RNGTT: variants seen among roughly 807,000 people sequenced by gnomAD.
RNGTT encodes mRNA-capping enzyme.
RNGTT carries 33 observed loss-of-function variants against 79.3 expected under a neutral mutation model. That is an observed-to-expected ratio of 0.42 (90% CI 0.32 to 0.56). RNGTT has a LOEUF of 0.56. Ranked by LOEUF, RNGTT falls within the 20% of genes least tolerant of loss-of-function variation. The probability of loss-of-function intolerance (pLI) is 0.17; values close to 1 mark genes in which losing one functional copy is unlikely to be tolerated. For missense variants in RNGTT, 497 were observed against 739.1 expected (o/e 0.67, Z 3.80); for synonymous variants, 222 against 235.9 (o/e 0.94, Z 0.54).
Position 88,711,087 on chromosome 6 carries a change from G to A in RNGTT, c.1440-32668C>T, listed in dbSNP as rs112666908. On this transcript the variant is annotated intron_variant, in intron 13 of 15. Transcript: ENST00000369485. Reference sequence around the variant, plus strand: ...GACAAATTTAATCTTTCAACATCCAGTCTTTGAATATTTTGTGCAAATAAA... The same window carrying A: ...GACAAATTTAATCTTTCAACATCCAATCTTTGAATATTTTGTGCAAATAAA... 6.0e-3 allele frequency among the ~76,000 whole-genome samples: 910 copies of A among 152,066 alleles called. 8 individuals carry two copies. The highest frequency in any genetic ancestry group is 0.021 in the African/African-American group (872 of 41,490).
At chr6:88,827,480 G>A (rs759390355) in intron 11 of RNGTT, among the ~76,000 whole-genome samples, 27 of 152,260 alleles carry the variant, frequency 1.8e-4, no homozygotes, top group Non-Finnish European at 3.4e-4. Context: ...GGCAGACACC[G>A]AGCTAGCTGC....
intron 11 of RNGTT, among the ~76,000 whole-genome samples, chr6:88,833,430 G>T (rs536507532): frequency 6.0e-4 from 91 of 152,278 alleles, no homozygotes; most frequent in African/African-American, 2.1e-3. Flanking sequence ...TTGGGGGTTG[G>T]GGGCTATGGG....
chr6:88,691,478 C>T (rs1178608215), intron 13 of RNGTT, among the ~76,000 whole-genome samples: 1 of 152,146 alleles, frequency 6.6e-6, no homozygotes. Context: ...GGATCAAAAT[C>T]ACGCAACAGC....
chr6:88,758,180 A>C (rs1314261259), intron 13 of RNGTT, among the ~76,000 whole-genome samples: 6 of 152,226 alleles, frequency 3.9e-5, no homozygotes, highest in African/African-American at 1.4e-4. Flanking sequence ...AGAAAAACAA[A>C]AAGCCCTTAA....
At chr6:88,941,798 T>A (rs1337214330) in intron 1 of RNGTT, among the ~76,000 whole-genome samples, 3 of 151,574 alleles carry the variant, frequency 2.0e-5, no homozygotes, top group African/African-American at 7.3e-5. Flanking sequence ...GACAAAAAAA[T>A]TATAAAAATT....
rs528463965 is a variant in RNGTT, at chr6:88,835,145, T to C, written c.1269+9212A>G. Among the ~76,000 whole-genome samples the C allele has an allele frequency of 1.1e-4, 16 of 152,224 alleles. No individual in the cohort carries two copies. In the East Asian group the frequency reaches 3.1e-3, roughly 29 times the overall value. On this transcript the variant is annotated intron_variant, in intron 11 of 15. Transcript: ENST00000369485. Reference sequence around the variant, plus strand: ...TCTAATTAGACAGTAGAAAGTAAAATGACTCCAAGCAGAGAAAAGCTTTGC... The same window carrying C: ...TCTAATTAGACAGTAGAAAGTAAAACGACTCCAAGCAGAGAAAAGCTTTGC...
At chr6:88,627,083 C>T (rs139548153) in intron 14 of RNGTT, among the ~76,000 whole-genome samples, 86 of 152,194 alleles carry the variant, frequency 5.7e-4, no homozygotes, top group African/African-American at 1.9e-3. Flanking sequence ...GCATGTCTAA[C>T]ACTTTTTTCT....
At chr6:88,631,621 C>G (rs530014930) in intron 14 of RNGTT, among the ~76,000 whole-genome samples, 174 of 152,198 alleles carry the variant, frequency 1.1e-3, no homozygotes, top group African/African-American at 4.0e-3. Flanking sequence ...GAGCTGAGAT[C>G]TTGAGCAACA....
rs141499534 is a variant in RNGTT at position 88,757,984 on chromosome 6, C to T, written c.1439+11790G>A. 5.5e-3 allele frequency among the ~76,000 whole-genome samples: 832 copies of T among 152,208 alleles called. 8 individuals carry two copies. The highest frequency in any genetic ancestry group is 0.017 in the African/African-American group (722 of 41,534). On this transcript the variant is annotated intron_variant, in intron 13 of 15. Transcript: ENST00000369485. Reference sequence around the variant, plus strand: ...AGCATTATCTTAAGTTTCAGTATACCATACATCAGACACATGGTTATTTAA... The same window carrying T: ...AGCATTATCTTAAGTTTCAGTATACTATACATCAGACACATGGTTATTTAA...
At chr6:88,747,711 C>A (rs1777708940) in intron 13 of RNGTT, among the ~76,000 whole-genome samples, 1 of 152,170 alleles carries the variant, frequency 6.6e-6, no homozygotes, top group East Asian at 1.9e-4. Context: ...CTGATGGAGA[C>A]AAACTGGAAC....
chr6:88,775,262 A>G (rs1778837858), intron 12 of RNGTT, among the ~76,000 whole-genome samples: 1 of 152,034 alleles, frequency 6.6e-6, no homozygotes, highest in Non-Finnish European at 1.5e-5. Flanking sequence ...TCTGAAATCT[A>G]CTCTCTTGGC....
intron 14 of RNGTT, among the ~76,000 whole-genome samples, chr6:88,660,785 A>G (rs141299371): frequency 1.3e-5 from 2 of 152,302 alleles, no homozygotes; most frequent in African/African-American, 4.8e-5. Flanking sequence ...CAAAGAAACA[A>G]TGGACTTAAA....
chr6:88,891,251 A>T (rs1282911374), intron 7 of RNGTT, among the ~76,000 whole-genome samples: 1 of 152,182 alleles, frequency 6.6e-6, no homozygotes, highest in Middle Eastern at 3.2e-3. Flanking sequence ...GGAATTAACA[A>T]TAATCCTTTT....
chr6:88,620,078 C>T (rs146805825), intron 14 of RNGTT, among the ~76,000 whole-genome samples: 98 of 152,302 alleles, frequency 6.4e-4, no homozygotes, highest in Non-Finnish European at 9.7e-4. Context: ...CTTCAAAAAA[C>T]GTTCCTCTGC....
chr6:88,662,814 C>A lies in RNGTT; in HGVS notation c.1506+15539G>T, dbSNP rs560030203. On this transcript the variant is annotated intron_variant, in intron 14 of 15. Transcript: ENST00000369485. ...GTGGAGAATTAACACAGCGGTTGAA[C>A]ACCGGGAAGGAATCGGCGATTGGAG... Among the ~76,000 whole-genome samples, 33 of 152,314 alleles carry A rather than the reference C, an allele frequency of 2.2e-4. No homozygotes were observed. The South Asian group carries it at 6.8e-3, about 32-fold the overall frequency.
At chr6:88,747,572 G>T (rs1175444034) in intron 13 of RNGTT, among the ~76,000 whole-genome samples, 1 of 152,192 alleles carries the variant, frequency 6.6e-6, no homozygotes, top group Non-Finnish European at 1.5e-5. Context: ...AGCTTGTGAA[G>T]AAGTCTATAA....
intron 2 of RNGTT, among the ~76,000 whole-genome samples, chr6:88,938,694 T>C (rs1223727494): frequency 6.6e-6 from 1 of 152,174 alleles, no homozygotes; most frequent in Non-Finnish European, 1.5e-5. Flanking sequence ...TGTTGATGTG[T>C]TTGCTCTGTC....
rs1778589322 is a variant in RNGTT at position 88,769,852 on chromosome 6, T to A, written c.1361A>T (p.Asp454Val). The change falls in exon 13 of 16, where the codon GAT becomes GTT. Residue 454 changes from aspartate (D) to valine (V), a missense_variant. By Grantham distance (152) the Asp-to-Val change is radical. This residue lies in a region of RNGTT where 440 missense variants were observed against 671.5 expected (regional missense o/e 0.66). Coordinates refer to ENST00000369485, the MANE Select transcript of RNGTT (RefSeq NM_003800.5). ...PTGKYKPGRCDDILKWKPPSL... is the reference protein window; with the variant it reads ...PTGKYKPGRCVDILKWKPPSL... ...GGGAGGCTTCCATTTCAAAATATCA[T>A]CACATCGACCAGGTTTGTATTTCTA... 6.2e-7 allele frequency: 1 copy of A among 1,611,014 alleles called. No individual in the cohort carries two copies. The highest frequency in any genetic ancestry group is 1.3e-5 in the African/African-American group (1 of 74,884).
At chr6:88,710,362 T>C (rs1582365830) in intron 13 of RNGTT, among the ~76,000 whole-genome samples, 1 of 152,222 alleles carries the variant, frequency 6.6e-6, no homozygotes. Context: ...TGCCTTTATC[T>C]GCCTAAAATC....
Sources: allele counts gnomAD v4.1 joint callset (sites outside exome capture counted in the v4.1 genomes callset), GRCh38; gene constraint gnomAD v4.1.1; regional missense constraint gnomAD v4.1.1; transcripts MANE v1.5; gene names NCBI Gene and HGNC (gene_info 2026-07-23, HGNC 2026-07-21).